FASN: variants seen among roughly 807,000 people sequenced by gnomAD.
FASN encodes the protein fatty acid synthase.
A neutral mutation model predicts 250.0 loss-of-function variants in FASN; 50 were observed. That is an observed-to-expected ratio of 0.20 (90% CI 0.16 to 0.25). The LOEUF is 0.25. FASN is among the 10% of genes least tolerant of loss of function. The pLI is 1.00. For missense variants in FASN, 3,031 were observed against 3,498.5 expected (o/e 0.87, Z 3.37); for synonymous variants, 1,909 against 1,584.0 (o/e 1.21, Z -4.87).
At position 82,091,563 on chromosome 17, in the gene FASN, C is replaced by T. The variant is rs201412385; in HGVS notation, c.1151G>A (p.Arg384His). The change falls in exon 9 of 43, where the codon CGT becomes CAT. Residue 384 changes from arginine (R) to histidine (H), a missense_variant. Transcript: ENST00000306749. ...GGAGTTGATGCCCACGTTGCCGCCA[C>T]GGACGGGCAGGGGCTGGTCCACCAC... ...LQVVDQPLPV[R>H]GGNVGINSFG... 96 of 1,591,632 alleles carry T rather than the reference C, an allele frequency of 6.0e-5. No homozygotes were observed. Among genetic ancestry groups the T allele is most frequent in the Middle Eastern group, 1.7e-4 (1 of 6,038 alleles).
Position 82,079,674 on chromosome 17 carries a change from T to C in FASN, c.7147-66A>G. 5 of 1,533,716 alleles carry C rather than the reference T, an allele frequency of 3.3e-6. No individual in the cohort carries two copies. The South Asian group carries it at 6.0e-5, about 18-fold the overall frequency. ...AGCACCGGCCTGCCCTGTGCTACAC[T>C]GCGGGTGGGCTTTTTTTTTTTGAGA... On this transcript the variant is annotated intron_variant, in intron 41 of 42. Transcript: ENST00000306749.
In FASN at chr17:82,090,520, A is replaced by G. The variant is rs1422478115; in HGVS notation, c.1725T>C (p.Asp575=). ...CCCCCAGGGAGTGGCCGACGATGCC[A>G]TCTGGCCTCAGCCCCATGCAGCTCA... ...DLLSCMGLRP[D]GIVGHSLGEV... is the part of the protein sequence containing the mutation. Residue 575 remains aspartate, a synonymous_variant, in exon 11 of 43, where the codon GAT becomes GAC. Coordinates refer to ENST00000306749, the MANE Select transcript of FASN (RefSeq NM_004104.5). The G allele has an allele frequency of 1.2e-6, 2 of 1,611,918 alleles. No individual in the cohort carries two copies. The highest frequency in any genetic ancestry group is 2.2e-5 in the East Asian group (1 of 44,858).
Position 82,088,786 on chromosome 17 carries a change from C to T in FASN, c.2395G>A (p.Gly799Ser), listed in dbSNP as rs375653664. The change falls in exon 15 of 43, where the codon GGC becomes AGC. Residue 799 changes from glycine (G) to serine (S), a missense_variant. Transcript: ENST00000306749. The part of the protein sequence containing the change: ...HRDNLEFFLA[G>S]IGRLHLSGID... The stretch of plus-strand genomic sequence containing the variant: ...CCTGAGAGGTGCAGCCTGCCGATGC[C>T]GGCCAGGAAGAACTCCAGGTTGTCC... 1.9e-5 allele frequency: 30 copies of T among 1,612,146 alleles called. No individual in the cohort carries two copies. Among genetic ancestry groups the T allele is most frequent in the Middle Eastern group, 1.7e-4 (1 of 5,988 alleles).
intron 24 of FASN, 29 bp downstream of exon 24, chr17:82,085,209 T>TG (rs1568109287): frequency 1.2e-6 from 2 of 1,604,936 alleles, no homozygotes; most frequent in East Asian, 4.5e-5. Context: ...GGAGGTGGGG[T>TG]GGGGCCTGGA....
chr17:82,080,125 G>A lies in FASN; in HGVS notation c.7146+15C>T, dbSNP rs762245340. 3 of 1,611,058 alleles carry A rather than the reference G, an allele frequency of 1.9e-6. No homozygotes were observed. Among genetic ancestry groups the A allele is most frequent in the African/African-American group, 1.3e-5 (1 of 75,020 alleles). On this transcript the variant is annotated intron_variant, in intron 41 of 42. Coordinates refer to ENST00000306749, the MANE Select transcript of FASN (RefSeq NM_004104.5). The stretch of plus-strand genomic sequence containing the variant: ...TACTCTGGGTCCTGCGGCCTCAGGG[G>A]TGTCCAGGACCCACCCTGTTGTGCT...
chr17:82,083,497 C>T lies in FASN; in HGVS notation c.5341+20G>A. 6.2e-7 allele frequency: 1 copy of T among 1,612,800 alleles called. No homozygotes were observed. Among genetic ancestry groups the T allele is most frequent in the African/African-American group, 1.3e-5 (1 of 75,076 alleles). The stretch of plus-strand genomic sequence containing the variant: ...CACACCCATCCATGCCCACCCCCGC[C>T]CAGGCGCTGCCGGCCTCACCGAGCG... On this transcript the variant is annotated intron_variant, in intron 31 of 42. Transcript: ENST00000306749.
chr17:82,088,842 G>C lies in FASN; in HGVS notation c.2339C>G (p.Thr780Ser). 1 of 1,612,566 alleles carries C rather than the reference G, an allele frequency of 6.2e-7. No individual in the cohort carries two copies. Among genetic ancestry groups the C allele is most frequent in the African/African-American group, 1.3e-5 (1 of 75,046 alleles). ...ATCCTTCTTCATCAGGGGGATGATG[G>C]TGCAGCTCGGCTTCAGGCCACGCTT... Reference protein sequence around the residue: ...VLKRGLKPSCTIIPLMKKDHR... With the variant: ...VLKRGLKPSCSIIPLMKKDHR... The change falls in exon 15 of 43, where the codon ACC becomes AGC. Residue 780 changes from threonine (T) to serine (S), a missense_variant. Coordinates refer to ENST00000306749, the MANE Select transcript of FASN (RefSeq NM_004104.5).
At chr17:82,092,147 C>A (rs1480956999) in intron 8 of FASN, among the ~76,000 whole-genome samples, 6 of 152,114 alleles carry the variant, frequency 3.9e-5, no homozygotes, top group African/African-American at 1.4e-4. Context: ...TGCCGTGGAC[C>A]CCCCCAGGCC....
Position 82,081,164 on chromosome 17 carries a change from C to A in FASN, c.6595G>T (p.Glu2199Ter). Residue 2199 changes from glutamate to a stop codon, truncating the protein, a stop_gained and splice_region_variant, in exon 38 of 43, where the codon GAG (glutamate) becomes TAG (stop). Coordinates refer to ENST00000306749, the MANE Select transcript of FASN (RefSeq NM_004104.5). LOFTEE classifies it high-confidence loss of function. Reference sequence around the variant, plus strand: ...CTCCCGCCTGGCCACCCACACGCACCGCTGGCCTCATCCGCCTTTGAGGAC... The same window carrying A: ...CTCCCGCCTGGCCACCCACACGCACAGCTGGCCTCATCCGCCTTTGAGGAC... ...ELSSKADEAS[E>*]LACPTPKEDG... 1 of 1,579,496 alleles carries A rather than the reference C, an allele frequency of 6.3e-7. No individual in the cohort carries two copies. The highest frequency in any genetic ancestry group is 8.6e-7 in the Non-Finnish European group (1 of 1,164,108).
Position 82,089,613 on chromosome 17 carries a change from C to A in FASN, c.1965+19G>T. The A allele has an allele frequency of 1.3e-6, 2 of 1,580,498 alleles. No homozygotes were observed. On this transcript the variant is annotated intron_variant, in intron 12 of 42. Coordinates refer to ENST00000306749, the MANE Select transcript of FASN (RefSeq NM_004104.5). ...CAGGCGCAGGGGACAGAGGAGCCCG[C>A]CCAGGCCGCAGCACCCACCTGAGGT...
Position 82,080,252 on chromosome 17 carries a change from G to C in FASN, c.7048-14C>G. Reference sequence around the variant, plus strand: ...TGCCCGGTAGCTCTGAGAGGAAGGAGGGACTGCTGAGCAGATGGAAGGGGC... The same window carrying C: ...TGCCCGGTAGCTCTGAGAGGAAGGACGGACTGCTGAGCAGATGGAAGGGGC... On this transcript the variant is annotated splice_polypyrimidine_tract_variant and intron_variant, in intron 40 of 42. Transcript: ENST00000306749. 1.2e-6 allele frequency: 2 copies of C among 1,612,958 alleles called. No individual in the cohort carries two copies. Among genetic ancestry groups the C allele is most frequent in the South Asian group, 1.1e-5 (1 of 91,084 alleles).
rs148840593 is a variant in FASN at position 82,082,654 on chromosome 17, C to A, written c.5792G>T (p.Arg1931Leu). 1.6e-5 allele frequency: 26 copies of A among 1,610,162 alleles called. No homozygotes were observed. In the African/African-American group the frequency reaches 2.4e-4, roughly 15 times the overall value. The change falls in exon 34 of 43, where the codon CGG (arginine) becomes CTG (leucine). Residue 1931 changes from arginine (R) to leucine (L), a missense_variant. Physicochemically the swap from Arg to Leu is moderately radical, Grantham distance 102. Transcript: ENST00000306749. ...CACCTGTACGCCCTGGCGCCTCCACCGGCGGACCTGCTTGGCCTGGTAGCC... is the reference window on the plus strand; with the variant it reads ...CACCTGTACGCCCTGGCGCCTCCACAGGCGGACCTGCTTGGCCTGGTAGCC... ...RTGYQAKQVRRWRRQGVQVQV... is the reference protein window; with the variant it reads ...RTGYQAKQVRLWRRQGVQVQV...
chr17:82,094,745 C>T (rs1391980606), intron 3 of FASN, among the ~76,000 whole-genome samples: 3 of 151,366 alleles, frequency 2.0e-5, no homozygotes, highest in South Asian at 2.1e-4. Context: ...GCTGAGATCG[C>T]GCCACTGCAC....
rs758996208 is a variant in FASN, at chr17:82,082,529, C to G, written c.5917G>C (p.Val1973Leu). 1 of 1,608,484 alleles carries G rather than the reference C, an allele frequency of 6.2e-7. No homozygotes were observed. The highest frequency in any genetic ancestry group is 1.3e-5 in the African/African-American group (1 of 74,942). ...GPVGGVFNLA[V>L]VLRDGLLENQ... ...CCCCATTTGGGGCCTTCCCTCACCA[C>G]GGCCAGGTTGAAGACGCCGCCCACG... The change falls in exon 34 of 43, where the codon GTG becomes CTG. Residue 1973 changes from valine (V) to leucine (L), a missense_variant and splice_region_variant. Physicochemically the swap from Val to Leu is conservative, Grantham distance 32. Coordinates refer to ENST00000306749, the MANE Select transcript of FASN (RefSeq NM_004104.5).
rs1337375372 is a variant in FASN, at chr17:82,090,556, G to A, written c.1689C>T (p.Leu563=). 6.2e-7 allele frequency: 1 copy of A among 1,611,012 alleles called. No homozygotes were observed. Among genetic ancestry groups the A allele is most frequent in the Non-Finnish European group, 8.5e-7 (1 of 1,179,118 alleles). The change falls in exon 11 of 43, where the codon CTC becomes CTT. Residue 563 remains leucine, a synonymous_variant. Coordinates refer to ENST00000306749, the MANE Select transcript of FASN (RefSeq NM_004104.5). Reference sequence around the variant, plus strand: ...GCCCCATGCAGCTCAGCAGGTCTATGAGGCCTATCTGGGGTGGGAACAGGA... The same window carrying A: ...GCCCCATGCAGCTCAGCAGGTCTATAAGGCCTATCTGGGGTGGGAACAGGA... ...FVSLTAIQIG[L]IDLLSCMGLR... is the part of the protein sequence containing the mutation.
chr17:82,091,718 C>T (rs765852059), intron 8 of FASN, 34 bp from the exon 9 acceptor site: 1 of 1,528,722 alleles, frequency 6.5e-7, no homozygotes, highest in South Asian at 1.2e-5. Context: ...GCAGCCGCCC[C>T]ACTCCCTCTA....
rs1446490643 is a variant in FASN at position 82,081,624 on chromosome 17, A to G, written c.6383T>C (p.Val2128Ala). The G allele has an allele frequency of 6.2e-7, 1 of 1,612,638 alleles. No individual in the cohort carries two copies. Among genetic ancestry groups the G allele is most frequent in the Non-Finnish European group, 8.5e-7 (1 of 1,179,974 alleles). Reference sequence around the variant, plus strand: ...ACCCAGGATGTGTGCCACGGCCTCCACCAGGTCCCGCTGGCTGTCCCTGTC... The same window carrying G: ...ACCCAGGATGTGTGCCACGGCCTCCGCCAGGTCCCGCTGGCTGTCCCTGTC... ...YRDRDSQRDLVEAVAHILGIR... is the reference protein window; with the variant it reads ...YRDRDSQRDLAEAVAHILGIR... Residue 2128 changes from valine to alanine, a missense_variant, in exon 37 of 43, where the codon GTG (valine) becomes GCG (alanine). By Grantham distance (64) the Val-to-Ala change is moderately conservative. Coordinates refer to ENST00000306749, the MANE Select transcript of FASN (RefSeq NM_004104.5).
chr17:82,094,709 A>C (rs1182877481), intron 3 of FASN, among the ~76,000 whole-genome samples: 1 of 151,786 alleles, frequency 6.6e-6, no homozygotes, highest in East Asian at 1.9e-4. Context: ...GAATGGTGTG[A>C]ACCCAGGAGG....
chr17:82,082,516 C>A lies in FASN; in HGVS notation c.5919+11G>T. On this transcript the variant is annotated intron_variant, in intron 34 of 42. Transcript: ENST00000306749. ...GGGCTTTTGAGGGCCCCATTTGGGG[C>A]CTTCCCTCACCACGGCCAGGTTGAA... The A allele has an allele frequency of 6.2e-7, 1 of 1,608,840 alleles. No homozygotes were observed. Among genetic ancestry groups the A allele is most frequent in the African/African-American group, 1.3e-5 (1 of 75,048 alleles).
Sources: gnomAD v4.1 joint callset for allele counts (sites outside exome capture counted in the v4.1 genomes callset) on GRCh38, gnomAD v4.1.1 for gene constraint, MANE v1.5 for transcripts, NCBI Gene and HGNC (gene_info 2026-07-23, HGNC 2026-07-21) for gene names.